Variants in FKBP15 observed in about 807,000 individuals in gnomAD.
FKBP15 encodes FKBP prolyl isomerase family member 15.
A neutral mutation model predicts 158.1 loss-of-function variants in FKBP15; 106 were observed. That is an observed-to-expected ratio of 0.67 (90% CI 0.57 to 0.79). The LOEUF is 0.79. Among genes scored for constraint, FKBP15 ranks in the 30% least tolerant of loss-of-function variants. FKBP15 has a pLI of 0.00. For missense variants in FKBP15, 1,287 were observed against 1,479.1 expected, an observed-to-expected ratio of 0.87 and a Z score of 2.13; for synonymous variants, 547 against 548.6, an observed-to-expected ratio of 1.00 and a Z score of 0.04.
At chr9:113,187,993 A>G (rs1257611521) in intron 13 of FKBP15, 94 bp from the exon 14 acceptor site, 7 of 924,156 alleles carry the variant, frequency 7.6e-6, no homozygotes, top group African/African-American at 1.7e-5. Context: ...CTTCAGACTC[A>G]ACTATTTTCC....
chr9:113,200,561 T>A (rs1248280166), intron 6 of FKBP15, among the ~76,000 whole-genome samples: 2 of 152,158 alleles, frequency 1.3e-5, no homozygotes, highest in African/African-American at 4.8e-5. Flanking sequence ...GTCAGGGGCA[T>A]CTTTGTGAAT....
intron 9 of FKBP15, among the ~76,000 whole-genome samples, chr9:113,195,570 C>T (rs767640966): frequency 1.3e-5 from 2 of 152,098 alleles, no homozygotes; most frequent in Non-Finnish European, 2.9e-5. Flanking sequence ...CAGTTAGGAA[C>T]AGTTAGGAAA....
rs745777635 is a variant in FKBP15, at chr9:113,194,187, A to G, written c.865-18T>C. The G allele has an allele frequency of 1.9e-6, 3 of 1,575,598 alleles. No homozygotes were observed. The highest frequency in any genetic ancestry group is 1.8e-5 in the Admixed American group (1 of 54,510). On this transcript the variant is annotated intron_variant, in intron 9 of 27. Coordinates refer to ENST00000238256, the MANE Select transcript of FKBP15 (RefSeq NM_015258.2). ...AACTTCACCTAAGGAAACACCGCAT[A>G]TTCTCACTCATAGGTGGGAATTGAA...
At chr9:113,195,214 T>C (rs1037195424) in intron 9 of FKBP15, among the ~76,000 whole-genome samples, 2 of 152,222 alleles carry the variant, frequency 1.3e-5, no homozygotes, top group Non-Finnish European at 2.9e-5. Context: ...GGTTAATATA[T>C]ACCATTAAAT....
At chr9:113,182,449 C>T (rs1337187189) in intron 19 of FKBP15, among the ~76,000 whole-genome samples, 3 of 152,184 alleles carry the variant, frequency 2.0e-5, no homozygotes, top group Non-Finnish European at 4.4e-5. Context: ...AAAGAACCTA[C>T]ACATCTGTTA....
intron 4 of FKBP15, among the ~76,000 whole-genome samples, chr9:113,203,513 C>T (rs1009559226): frequency 1.3e-5 from 2 of 150,698 alleles, no homozygotes; most frequent in East Asian, 1.9e-4. Context: ...TGACTTCTGT[C>T]GCTGATTAAT....
At chr9:113,170,706 A>C in intron 24 of FKBP15, 77 bp from the exon 25 acceptor site, 1 of 1,073,128 alleles carries the variant, frequency 9.3e-7, no homozygotes. Context: ...GGTGTATGGA[A>C]GGCCAAAATG....
In FKBP15 at chr9:113,169,376, C is replaced by A. The variant is rs1830161635; in HGVS notation, c.3333G>T (p.Gly1111=). ...DPEEGDPLAL[G]PESPGEPQPP... ...GCTGAGGCTCTCCTGGGCTTTCAGG[C>A]CCTAAGGCCAGTGGGTCCCCCTCCT... Residue 1111 remains glycine (G), a synonymous_variant, in exon 26 of 28, where the codon GGG becomes GGT. Coordinates refer to ENST00000238256, the MANE Select transcript of FKBP15 (RefSeq NM_015258.2). 2 of 1,613,924 alleles carry A rather than the reference C, an allele frequency of 1.2e-6. No individual in the cohort carries two copies. Among genetic ancestry groups the A allele is most frequent in the Non-Finnish European group, 1.7e-6 (2 of 1,179,900 alleles).
chr9:113,204,196 G>T (rs1830846498), intron 4 of FKBP15, among the ~76,000 whole-genome samples: 1 of 152,134 alleles, frequency 6.6e-6, no homozygotes, highest in Admixed American at 6.5e-5. Context: ...TCCTGCCCCA[G>T]CCTCCCAAGT....
chr9:113,205,606 G>T (rs1399930439), intron 4 of FKBP15, among the ~76,000 whole-genome samples: 1 of 152,130 alleles, frequency 6.6e-6, no homozygotes, highest in Non-Finnish European at 1.5e-5. Context: ...AAAACAGTTT[G>T]GCAGTTTCTC....
Position 113,161,660 on chromosome 9 carries a change from A to G in FKBP15, c.*4418T>C, listed in dbSNP as rs2118837507. The stretch of plus-strand genomic sequence containing the variant: ...TCGCAGAGACAGACGGGGACTCTGC[A>G]GGCTCAGATTCATTCCCTGTTGGCA... On this transcript the variant is annotated 3_prime_UTR_variant, in exon 28 of 28. Transcript: ENST00000238256. The G allele has an allele frequency of 6.2e-7, 1 of 1,614,020 alleles. No individual in the cohort carries two copies. The highest frequency in any genetic ancestry group is 8.5e-7 in the Non-Finnish European group (1 of 1,179,882).
chr9:113,174,635 G>C (rs1830271422), intron 21 of FKBP15, 52 bp from the exon 22 acceptor site: 5 of 1,552,830 alleles, frequency 3.2e-6, no homozygotes, highest in African/African-American at 1.4e-5. Flanking sequence ...AGAGAATAAA[G>C]AGGGATGATG....
intron 9 of FKBP15, among the ~76,000 whole-genome samples, chr9:113,195,665 T>G (rs1830663231): frequency 6.6e-6 from 1 of 152,190 alleles, no homozygotes; most frequent in African/African-American, 2.4e-5. Context: ...TCCCTATTTG[T>G]ATTGTATTTT....
chr9:113,181,379 T>TA (rs1830393187), intron 19 of FKBP15, among the ~76,000 whole-genome samples: 1 of 152,142 alleles, frequency 6.6e-6, no homozygotes, highest in Non-Finnish European at 1.5e-5. Context: ...TTGGAACACA[T>TA]ACACACACAA....
intron 1 of FKBP15, among the ~76,000 whole-genome samples, chr9:113,215,644 A>ATTTTT (rs1285341545): frequency 0.03 from 1,867 of 61,574 alleles, 93 homozygotes; most frequent in Non-Finnish European, 0.038. Context: ...ATATATATAT[A>ATTTTT]TTTTTTTTTT....
chr9:113,213,941 A>AT (rs998603797), intron 1 of FKBP15, among the ~76,000 whole-genome samples: 14 of 151,478 alleles, frequency 9.2e-5, no homozygotes, highest in Admixed American at 5.9e-4. Flanking sequence ...CTTTAAAACA[A>AT]TTTTTTTTTA....
Position 113,221,091 on chromosome 9 carries a change from C to G in FKBP15, c.53+100G>C, listed in dbSNP as rs1038362391. The G allele has an allele frequency of 9.9e-5, 130 of 1,317,836 alleles. 1 individual carries two copies. The highest frequency in any genetic ancestry group is 1.3e-4 in the Non-Finnish European group (128 of 969,908). The allele number at this position is 1,317,836 out of a possible 1,614,324, so 81.6% of individuals were successfully genotyped here. On this transcript the variant is annotated intron_variant, in intron 1 of 27. Transcript: ENST00000238256. ...CCGGAATGTGGCAAGGGTCTCCCCC[C>G]GGAAGTTGGGAAAAGGCCTGAGAAG...
rs756776216 is a variant in FKBP15 at position 113,164,399 on chromosome 9, T to C, written c.*1679A>G. On this transcript the variant is annotated 3_prime_UTR_variant, in exon 28 of 28. Coordinates refer to ENST00000238256, the MANE Select transcript of FKBP15 (RefSeq NM_015258.2). Reference sequence around the variant, plus strand: ...ATGTAACAAGTATTAATTGAGTACATGCTATAAGAAAAGTAACTGTCACAC... The same window carrying C: ...ATGTAACAAGTATTAATTGAGTACACGCTATAAGAAAAGTAACTGTCACAC... 2 of 152,252 alleles carry C rather than the reference T, an allele frequency of 1.3e-5. No individual in the cohort carries two copies. The highest frequency in any genetic ancestry group is 4.8e-5 in the African/African-American group (2 of 41,468). 9.4% of individuals were successfully genotyped at this position (152,252 alleles called of 1,614,324 possible).
At chr9:113,209,006 CAAAA>C (rs5900044) in intron 2 of FKBP15, among the ~76,000 whole-genome samples, 7 of 98,732 alleles carry the variant, frequency 7.1e-5, no homozygotes, top group African/African-American at 1.5e-4. Context: ...GACTCCATCT[CAAAA>C]AAAAAAAAAA....
Sources: allele counts gnomAD v4.1 joint callset (sites outside exome capture counted in the v4.1 genomes callset), GRCh38; gene constraint gnomAD v4.1.1; transcripts MANE v1.5; gene names NCBI Gene and HGNC (gene_info 2026-07-23, HGNC 2026-07-21).